ZSWIM5: variants seen among roughly 807,000 people sequenced by gnomAD.
ZSWIM5 encodes the protein zinc finger SWIM domain-containing protein 5.
ZSWIM5 carries 55 observed loss-of-function variants against 119.6 expected under a neutral mutation model. The observed-to-expected ratio is 0.46, with a 90% CI of 0.37 to 0.58. ZSWIM5 has a LOEUF of 0.58. ZSWIM5 is among the 20% of genes least tolerant of loss of function. The probability of loss-of-function intolerance (pLI) is 0.00; values close to 1 mark genes in which losing one functional copy is unlikely to be tolerated. For synonymous variants in ZSWIM5, 537 were observed against 606.9 expected (o/e 0.88, Z 1.69); for missense variants, 1,193 against 1,512.8 (o/e 0.79, Z 3.51).
intron 1 of ZSWIM5, among the ~76,000 whole-genome samples, chr1:45,096,434 T>TG (rs1645402180): frequency 6.9e-6 from 1 of 144,344 alleles, no homozygotes; most frequent in African/African-American, 2.5e-5. Flanking sequence ...AGATAACTGT[T>TG]TGTGTGTGTG....
At chr1:45,090,129 T>C (rs7516271) in intron 1 of ZSWIM5, among the ~76,000 whole-genome samples, 5 of 152,166 alleles carry the variant, frequency 3.3e-5, no homozygotes, top group African/African-American at 4.8e-5. Flanking sequence ...CAGACAGTTA[T>C]GGTTAATTAA....
chr1:45,167,547 TGA>T (rs1276610219), intron 1 of ZSWIM5, among the ~76,000 whole-genome samples: 1 of 151,902 alleles, frequency 6.6e-6, no homozygotes, highest in Non-Finnish European at 1.5e-5. Flanking sequence ...ACCTACAGAA[TGA>T]GAGAAAATTT....
At chr1:45,077,654 G>C (rs1223204649) in intron 2 of ZSWIM5, among the ~76,000 whole-genome samples, 1 of 152,144 alleles carries the variant, frequency 6.6e-6, no homozygotes, top group African/African-American at 2.4e-5. Flanking sequence ...AATTTATTAG[G>C]TGGGAATTTC....
At chr1:45,186,242 G>A (rs1231641607) in intron 1 of ZSWIM5, among the ~76,000 whole-genome samples, 2 of 143,760 alleles carry the variant, frequency 1.4e-5, no homozygotes, top group East Asian at 4.1e-4. Flanking sequence ...CACACTCTGG[G>A]GACTGTTGTG....
At chr1:45,182,152 C>A (rs1463246415) in intron 1 of ZSWIM5, among the ~76,000 whole-genome samples, 1 of 152,100 alleles carries the variant, frequency 6.6e-6, no homozygotes, top group Non-Finnish European at 1.5e-5. Context: ...CGCGGTGGCT[C>A]ACGCCTGTAA....
intron 2 of ZSWIM5, among the ~76,000 whole-genome samples, chr1:45,061,281 G>A (rs1645150466): frequency 6.6e-6 from 1 of 152,000 alleles, no homozygotes; most frequent in Admixed American, 6.5e-5. Context: ...TATAGACAGA[G>A]TGCTGTAACA....
At chr1:45,166,233 T>G (rs1157564502) in intron 1 of ZSWIM5, among the ~76,000 whole-genome samples, 2 of 152,080 alleles carry the variant, frequency 1.3e-5, no homozygotes, top group African/African-American at 4.8e-5. Flanking sequence ...ATTATCTCAA[T>G]AGATGCAGAA....
chr1:45,196,110 A>C (rs1646121147), intron 1 of ZSWIM5, among the ~76,000 whole-genome samples: 1 of 147,552 alleles, frequency 6.8e-6, no homozygotes, highest in Non-Finnish European at 1.5e-5. Flanking sequence ...CCCTGGGCTC[A>C]AGTGATCCTC....
intron 1 of ZSWIM5, among the ~76,000 whole-genome samples, chr1:45,190,606 G>C (rs1207903158): frequency 2.0e-5 from 3 of 152,172 alleles, no homozygotes; most frequent in Admixed American, 2.0e-4. Flanking sequence ...GGATCCTTCC[G>C]TCAGGACCAA....
intron 4 of ZSWIM5, among the ~76,000 whole-genome samples, 196 bp downstream of exon 4, chr1:45,058,413 C>A (rs1645134775): frequency 2.0e-5 from 3 of 152,164 alleles, no homozygotes; most frequent in Non-Finnish European, 4.4e-5. Context: ...TGCTTGATGT[C>A]AATAGCAAAG....
chr1:45,025,191 T>A (rs1644914389), intron 11 of ZSWIM5, among the ~76,000 whole-genome samples: 1 of 152,240 alleles, frequency 6.6e-6, no homozygotes, highest in South Asian at 2.1e-4. Context: ...TTGATCTGTT[T>A]CTCAGTTTTT....
intron 1 of ZSWIM5, among the ~76,000 whole-genome samples, chr1:45,169,150 T>C (rs1461985710): frequency 6.6e-6 from 1 of 151,932 alleles, no homozygotes; most frequent in Non-Finnish European, 1.5e-5. Context: ...TCTTTTACAC[T>C]TCCAATCTGT....
At chr1:45,105,874 A>G (rs368393) in intron 1 of ZSWIM5, among the ~76,000 whole-genome samples, 21,880 of 75,956 alleles carry the variant, frequency 0.29, 1,971 homozygotes, top group African/African-American at 0.35. Context: ...GCCCCATCTG[A>G]GAAGTGAGGA....
At chr1:45,047,019 A>G (rs927426055) in intron 5 of ZSWIM5, among the ~76,000 whole-genome samples, 3 of 3,142 alleles carry the variant, frequency 9.5e-4, no homozygotes, top group African/African-American at 5.0e-3. Flanking sequence ...CTCTGTCTCA[A>G]AAAAAAAAAA....
intron 6 of ZSWIM5, among the ~76,000 whole-genome samples, chr1:45,042,635 T>G (rs1335824226): frequency 1.3e-5 from 2 of 152,184 alleles, no homozygotes; most frequent in Non-Finnish European, 2.9e-5. Context: ...AAAAAGAATG[T>G]CTCTTTTGAA....
chr1:45,065,716 C>G (rs970793185), intron 2 of ZSWIM5, among the ~76,000 whole-genome samples: 1 of 151,832 alleles, frequency 6.6e-6, no homozygotes, highest in African/African-American at 2.4e-5. Context: ...TGGGTGACAG[C>G]AGCAAAAAAG....
At position 45,115,546 on chromosome 1, in the gene ZSWIM5, G is replaced by A. The variant is rs536990178; in HGVS notation, c.596-27309C>T. On this transcript the variant is annotated intron_variant, in intron 1 of 13. Coordinates refer to ENST00000359600, the MANE Select transcript of ZSWIM5 (RefSeq NM_020883.2). ...GCTCCTCACATCCCAGACGGGGCGC[G>A]GGGCAGAGGCGCTCCCCACATCTCA... Among the ~76,000 whole-genome samples, 253 of 145,596 alleles carry A rather than the reference G, an allele frequency of 1.7e-3. 1 individual carries two copies. Among genetic ancestry groups the A allele is most frequent in the African/African-American group, 6.1e-3 (238 of 39,044 alleles).
In ZSWIM5 at chr1:45,051,250, G is replaced by A. The variant is rs1185046899; in HGVS notation, c.1256C>T (p.Ala419Val). Reference sequence around the variant, plus strand: ...ATTTAAAATTATGCACACCCATAAAGCCCCTGGAAAATAAAGCAACCCATA... The same window carrying A: ...ATTTAAAATTATGCACACCCATAAAACCCCTGGAAAATAAAGCAACCCATA... Reference protein sequence around the residue: ...KCRQLWDELGALWVCIILNPH... With the variant: ...KCRQLWDELGVLWVCIILNPH... The change falls in exon 5 of 14, where the codon GCT becomes GTT. Residue 419 changes from alanine (A) to valine (V), a missense_variant. Physicochemically the swap from Ala to Val is moderately conservative, Grantham distance 64 (BLOSUM62 0). Coordinates refer to ENST00000359600, the MANE Select transcript of ZSWIM5 (RefSeq NM_020883.2). The A allele has an allele frequency of 6.2e-7, 1 of 1,612,624 alleles. No individual in the cohort carries two copies. The highest frequency in any genetic ancestry group is 8.5e-7 in the Non-Finnish European group (1 of 1,179,590).
At chr1:45,165,489 A>G (rs966302184) in intron 1 of ZSWIM5, among the ~76,000 whole-genome samples, 12 of 152,164 alleles carry the variant, frequency 7.9e-5, no homozygotes, top group African/African-American at 2.7e-4. Flanking sequence ...AAGGAGATAG[A>G]GACACAAAAA....
Sources: allele counts gnomAD v4.1 joint callset (sites outside exome capture counted in the v4.1 genomes callset), GRCh38; gene constraint gnomAD v4.1.1; transcripts MANE v1.5; gene names NCBI Gene and HGNC (gene_info 2026-07-23, HGNC 2026-07-21).